Variants in LYSMD2 observed in about 807,000 individuals in gnomAD.
LYSMD2 encodes the protein LysM domain containing 2.
A neutral mutation model predicts 17.7 loss-of-function variants in LYSMD2; 6 were observed. That is an observed-to-expected ratio of 0.34 (90% confidence interval 0.19 to 0.67). The LOEUF (loss-of-function observed/expected upper bound fraction) is 0.67. Among genes scored for constraint, LYSMD2 ranks in the 30% least tolerant of loss-of-function variants. The pLI is 0.69. For missense variants in LYSMD2, 237 were observed against 286.7 expected (o/e 0.83, Z 1.25); for synonymous variants, 102 against 129.8 (o/e 0.79, Z 1.45).
intron 1 of LYSMD2, among the ~76,000 whole-genome samples, chr15:51,748,143 A>T (rs938585887): frequency 6.6e-6 from 1 of 151,530 alleles, no homozygotes; most frequent in African/African-American, 2.4e-5. Context: ...TAGTGGCAGC[A>T]CCTGTAGTCC....
At chr15:51,733,193 C>T (rs1414738330) in intron 1 of LYSMD2, among the ~76,000 whole-genome samples, 1 of 152,028 alleles carries the variant, frequency 6.6e-6, no homozygotes, top group Non-Finnish European at 1.5e-5. Flanking sequence ...ATCTGCACAG[C>T]TCCCTCCCTT....
At chr15:51,751,426 C>A (rs2141606985) in exon 1 of LYSMD2, 1 of 692,014 alleles carries the variant, frequency 1.4e-6, no homozygotes, top group South Asian at 1.5e-5. Context: ...GCTTCCTCCC[C>A]TGCAGAGCTG....
upstream of LYSMD2, among the ~76,000 whole-genome samples, chr15:51,739,956 C>CTTTGTTTGTTTGTTTG (rs546254629): frequency 6.6e-6 from 1 of 151,666 alleles, no homozygotes; most frequent in African/African-American, 2.4e-5. Flanking sequence ...TTGGGGTTTT[C>CTTTGTTTGTTTGTTTG]TTTGTTTGTT....
At chr15:51,748,098 C>T (rs147122640) in intron 1 of LYSMD2, among the ~76,000 whole-genome samples, 2,244 of 151,964 alleles carry the variant, frequency 0.015, 54 homozygotes, top group African/African-American at 0.052. Flanking sequence ...TGGTGAAACC[C>T]CGTCTCTACT....
chr15:51,735,430 G>A (rs1341245668), intron 1 of LYSMD2, among the ~76,000 whole-genome samples: 3 of 152,162 alleles, frequency 2.0e-5, no homozygotes, highest in Non-Finnish European at 4.4e-5. Flanking sequence ...CTAGTGGGTA[G>A]AGGCCAGAGA....
In LYSMD2 at chr15:51,723,669, G is replaced by A; in HGVS notation, c.606-20C>T. On this transcript the variant is annotated intron_variant, in intron 2 of 2. Coordinates refer to ENST00000267838, the MANE Select transcript of LYSMD2 (RefSeq NM_153374.3). ...TCATCTCTGAAAGAAAATAAATACA[G>A]CATAAATCAGAGTTTAGAACTGTAT... is the stretch of plus-strand genomic sequence containing the variant. 1 of 1,576,196 alleles carries A rather than the reference G, an allele frequency of 6.3e-7. No homozygotes were observed. The highest frequency in any genetic ancestry group is 8.6e-7 in the Non-Finnish European group (1 of 1,157,366).
chr15:51,730,524 T>A (rs76506975), intron 1 of LYSMD2, among the ~76,000 whole-genome samples: 2,095 of 151,886 alleles, frequency 0.014, 49 homozygotes, highest in African/African-American at 0.047. Context: ...TCAAAAAAAA[T>A]TTTTTTTAAT....
chr15:51,725,263 G>A (rs2141591076), intron 1 of LYSMD2, 142 bp from the exon 2 acceptor site: 1 of 556,324 alleles, frequency 1.8e-6, no homozygotes, highest in Non-Finnish European at 3.1e-6. Flanking sequence ...ATTCAGGTTT[G>A]GTAACCTCCC....
chr15:51,737,640 C>A lies in LYSMD2; in HGVS notation c.-18G>T, dbSNP rs921301077. The A allele has an allele frequency of 8.3e-7, 1 of 1,204,674 alleles. No individual in the cohort carries two copies. Among genetic ancestry groups the A allele is most frequent in the African/African-American group, 1.6e-5 (1 of 63,156 alleles). The allele number at this position is 1,204,674 out of a possible 1,614,324, so 74.6% of individuals were successfully genotyped here. On this transcript the variant is annotated 5_prime_UTR_variant, in exon 1 of 3. Transcript: ENST00000267838. The surrounding 1 kb of genome is among the most constrained non-coding windows in gnomAD (Gnocchi z 4.2). ...TCCGCCATGGGTCCTGCCGAGGCCGCCGGGTCGGGGAGCTTGCCAAGGGGG... is the reference window on the plus strand; with the variant it reads ...TCCGCCATGGGTCCTGCCGAGGCCGACGGGTCGGGGAGCTTGCCAAGGGGG...
chr15:51,747,397 A>G (rs958874182), intron 1 of LYSMD2, among the ~76,000 whole-genome samples: 4 of 152,136 alleles, frequency 2.6e-5, no homozygotes, highest in Non-Finnish European at 5.9e-5. Flanking sequence ...AGGCTAAGGC[A>G]GGAGAATCGC....
chr15:51,730,063 G>A (rs2055566787), intron 1 of LYSMD2, among the ~76,000 whole-genome samples: 1 of 152,182 alleles, frequency 6.6e-6, no homozygotes. Context: ...AGATTGAATA[G>A]TGTAACTCAA....
intron 1 of LYSMD2, among the ~76,000 whole-genome samples, chr15:51,747,017 TAAAA>T (rs1050919768): frequency 3.0e-5 from 2 of 65,788 alleles, no homozygotes; most frequent in African/African-American, 5.7e-5. Context: ...CTGTCTCTAC[TAAAA>T]AAAAAAAAAA....
chr15:51,726,654 T>C (rs1174687056), intron 1 of LYSMD2, among the ~76,000 whole-genome samples: 1 of 152,234 alleles, frequency 6.6e-6, no homozygotes, highest in Non-Finnish European at 1.5e-5. Context: ...TTGTGGAATC[T>C]GATACTGGAG....
At chr15:51,732,185 T>C (rs2141595872) in intron 1 of LYSMD2, among the ~76,000 whole-genome samples, 1 of 152,310 alleles carries the variant, frequency 6.6e-6, no homozygotes. Flanking sequence ...AGTTCAAGTC[T>C]TCAGCAGGCC....
At position 51,737,071 on chromosome 15, in the gene LYSMD2, G is replaced by T. The variant is rs530421348; in HGVS notation, c.273+279C>A. ...CGCGACAGATCTAGTCTGAGCCTGG[G>T]CGGGGCACCGGGAACTCGATGCAGC... On this transcript the variant is annotated intron_variant, in intron 1 of 2. Transcript: ENST00000267838. This position sits in a 1 kb window ranked among gnomAD's most constrained non-coding sequence, Gnocchi z 4.2. Among the ~76,000 whole-genome samples, 1 of 152,328 alleles carries T rather than the reference G, an allele frequency of 6.6e-6. No homozygotes were observed. The highest frequency in any genetic ancestry group is 2.4e-5 in the African/African-American group (1 of 41,588).
At chr15:51,728,033 C>G (rs1051500117) in intron 1 of LYSMD2, among the ~76,000 whole-genome samples, 2 of 152,222 alleles carry the variant, frequency 1.3e-5, no homozygotes, top group African/African-American at 4.8e-5. Flanking sequence ...GGCTTTCCCA[C>G]TTTCTAACCA....
intron 1 of LYSMD2, among the ~76,000 whole-genome samples, chr15:51,731,510 T>A (rs572856450): frequency 1.3e-5 from 2 of 152,314 alleles, no homozygotes; most frequent in South Asian, 4.1e-4. Context: ...AGCGGAAATG[T>A]TAAGCAACAA....
chr15:51,726,284 G>A (rs866649600), intron 1 of LYSMD2, among the ~76,000 whole-genome samples: 17 of 152,184 alleles, frequency 1.1e-4, no homozygotes, highest in African/African-American at 3.9e-4. Context: ...AGTATCTCTG[G>A]TCTAGTTCAG....
chr15:51,741,736 A>G (rs934332866), upstream of LYSMD2, among the ~76,000 whole-genome samples: 1 of 152,082 alleles, frequency 6.6e-6, no homozygotes, highest in African/African-American at 2.4e-5. Context: ...CCTGGCCAAC[A>G]TGGCGAAACC....
Sources: allele counts gnomAD v4.1 joint callset (sites outside exome capture counted in the v4.1 genomes callset), GRCh38; gene constraint gnomAD v4.1.1; non-coding constraint Gnocchi (gnomAD v3.1); transcripts MANE v1.5; gene names NCBI Gene and HGNC (gene_info 2026-07-23, HGNC 2026-07-21).